The following FRMD4B variants were observed in gnomAD, a reference collection of about 807,000 sequenced individuals.
FRMD4B encodes the protein FERM domain-containing protein 4B.
Under a neutral mutation model 141.5 loss-of-function variants are expected in FRMD4B, and 74 were observed. The ratio of observed to expected loss-of-function variants is 0.52; its 90% confidence interval spans 0.43 to 0.63. The LOEUF is 0.63. FRMD4B is among the 30% of genes least tolerant of loss of function. The pLI is 0.00. For synonymous variants in FRMD4B, 506 were observed against 467.9 expected, an observed-to-expected ratio of 1.08 and a Z score of -1.05; for missense variants, 1,366 against 1,253.4, an observed-to-expected ratio of 1.09 and a Z score of -1.36.
intron 1 of FRMD4B, among the ~76,000 whole-genome samples, chr3:69,451,420 A>G (rs1282641286): frequency 6.6e-6 from 1 of 152,226 alleles, no homozygotes; most frequent in African/African-American, 2.4e-5. Flanking sequence ...CAGTGGAAGA[A>G]TATATTGTGA....
intron 1 of FRMD4B, among the ~76,000 whole-genome samples, chr3:69,475,262 T>A (rs1186289587): frequency 1.3e-5 from 2 of 151,982 alleles, no homozygotes; most frequent in African/African-American, 4.8e-5. Context: ...ATGTGCAGGT[T>A]AGTTACATAG....
chr3:69,218,302 T>C lies in FRMD4B; in HGVS notation c.789+20A>G. 1.5e-6 allele frequency: 2 copies of C among 1,335,096 alleles called. No individual in the cohort carries two copies. The highest frequency in any genetic ancestry group is 2.5e-5 in the South Asian group (2 of 80,876). The allele number at this position is 1,335,096 out of a possible 1,614,324, so 82.7% of individuals were successfully genotyped here. On this transcript the variant is annotated intron_variant, in intron 10 of 22. Transcript: ENST00000398540. The stretch of plus-strand genomic sequence containing the variant: ...TAACTCTCAATCATCACGAAAGCTT[T>C]GTCATGTAAAATTACTTACCTTTAC...
intron 7 of FRMD4B, among the ~76,000 whole-genome samples, chr3:69,235,675 A>G (rs2070107593): frequency 6.6e-6 from 1 of 151,776 alleles, no homozygotes; most frequent in South Asian, 2.1e-4. Flanking sequence ...AAAAAAAGAA[A>G]GGAAAAAAAA....
At chr3:69,383,081 C>T (rs936610259) in intron 1 of FRMD4B, among the ~76,000 whole-genome samples, 8 of 151,774 alleles carry the variant, frequency 5.3e-5, no homozygotes, top group African/African-American at 1.2e-4. Flanking sequence ...AAATATCTCA[C>T]GTCAATTAAT....
At chr3:69,336,905 C>A (rs977147630) in intron 1 of FRMD4B, among the ~76,000 whole-genome samples, 4 of 152,184 alleles carry the variant, frequency 2.6e-5, no homozygotes, top group Non-Finnish European at 5.9e-5. Context: ...GATCATGCCA[C>A]TACACTCCAG....
chr3:69,198,490 T>C (rs1321634199), intron 12 of FRMD4B: 1 of 549,956 alleles, frequency 1.8e-6, no homozygotes, highest in African/African-American at 1.9e-5. Flanking sequence ...CTGCTTGGGA[T>C]GTAAAATGGT....
rs145836898 is a variant in FRMD4B at position 69,523,024 on chromosome 3, A to T, written c.-129+19182T>A. On this transcript the variant is annotated intron_variant, in intron 1 of 5. Coordinates refer to the FRMD4B transcript ENST00000459638. ...TCCTCTGAGGGAAAAATTTTCAGGA[A>T]TCCATTCACATACTCAGAAAAGCAA... 3.1e-3 allele frequency among the ~76,000 whole-genome samples: 478 copies of T among 152,236 alleles called. 5 individuals carry two copies. Among genetic ancestry groups the T allele is most frequent in the African/African-American group, 0.011 (450 of 41,542 alleles).
intron 22 of FRMD4B, among the ~76,000 whole-genome samples, chr3:69,173,260 C>T (rs2092607529): frequency 6.6e-6 from 1 of 152,096 alleles, no homozygotes; most frequent in African/African-American, 2.4e-5. Context: ...TACTAGGTAG[C>T]TTCAACATTT....
chr3:69,402,556 G>A (rs1704582762), intron 2 of FRMD4B, among the ~76,000 whole-genome samples: 1 of 152,168 alleles, frequency 6.6e-6, no homozygotes, highest in African/African-American at 2.4e-5. Context: ...AGGGGAGGAT[G>A]TTTTGTTTAT....
chr3:69,222,709 T>A (rs2093208384), intron 8 of FRMD4B, among the ~76,000 whole-genome samples: 1 of 151,020 alleles, frequency 6.6e-6, no homozygotes, highest in African/African-American at 2.4e-5. Context: ...AGGTGGAGGC[T>A]GCAGTGAGCC....
chr3:69,275,781 C>T (rs1441738053), intron 5 of FRMD4B, among the ~76,000 whole-genome samples: 5 of 152,050 alleles, frequency 3.3e-5, no homozygotes, highest in Non-Finnish European at 7.4e-5. Context: ...AATGAATATA[C>T]TGATTTTTTC....
At chr3:69,377,497 C>G (rs1460946477) in intron 1 of FRMD4B, among the ~76,000 whole-genome samples, 1 of 152,178 alleles carries the variant, frequency 6.6e-6, no homozygotes, top group Non-Finnish European at 1.5e-5. Context: ...TGGGGAGGCA[C>G]CCGTAGAAGG....
chr3:69,494,174 C>A (rs1311293041), intron 1 of FRMD4B, among the ~76,000 whole-genome samples: 1 of 152,192 alleles, frequency 6.6e-6, no homozygotes, highest in African/African-American at 2.4e-5. Context: ...GCCACAGCAC[C>A]CAACCATGAT....
chr3:69,439,177 C>A (rs568062004), intron 1 of FRMD4B, among the ~76,000 whole-genome samples: 1 of 152,034 alleles, frequency 6.6e-6, no homozygotes, highest in East Asian at 1.9e-4. Flanking sequence ...TGGTTTTTTG[C>A]GATCTAGATT....
intron 11 of FRMD4B, chr3:69,199,356 CCT>C (rs1238785284): frequency 6.6e-6 from 1 of 152,302 alleles, no homozygotes; most frequent in African/African-American, 2.4e-5. Context: ...CACTATTTTT[CCT>C]CTGACTCAAC....
At chr3:69,537,880 C>T (rs1333737837) in intron 1 of FRMD4B, among the ~76,000 whole-genome samples, 2 of 152,190 alleles carry the variant, frequency 1.3e-5, no homozygotes, top group Non-Finnish European at 2.9e-5. Context: ...TTAATTTCCC[C>T]CTTTTCCTGC....
At chr3:69,504,912 T>C (rs1487229534) in intron 1 of FRMD4B, among the ~76,000 whole-genome samples, 2 of 152,224 alleles carry the variant, frequency 1.3e-5, no homozygotes, top group African/African-American at 4.8e-5. Context: ...CTTTCTCATT[T>C]GAAGGGTCAC....
Position 69,249,057 on chromosome 3 carries a change from T to C in FRMD4B, c.581+169A>G, listed in dbSNP as rs1193075210. ...ACTGTAAGAAAGCATCATTCCCTGA[T>C]TCATTCACAAAAAGAATAGGTCTCT... On this transcript the variant is annotated intron_variant, in intron 7 of 22. Transcript: ENST00000398540. 2.6e-5 allele frequency among the ~76,000 whole-genome samples: 4 copies of C among 152,316 alleles called. No homozygotes were observed. The East Asian group carries it at 7.7e-4, about 29-fold the overall frequency.
chr3:69,191,400 G>T (rs1406028431), intron 17 of FRMD4B, among the ~76,000 whole-genome samples: 1 of 152,034 alleles, frequency 6.6e-6, no homozygotes, highest in Non-Finnish European at 1.5e-5. Context: ...AGGCTGGGTG[G>T]CAGAGACAGC....
Sources: gnomAD v4.1 joint callset for allele counts (sites outside exome capture counted in the v4.1 genomes callset) on GRCh38, gnomAD v4.1.1 for gene constraint, MANE v1.5 for transcripts, NCBI Gene and HGNC (gene_info 2026-07-23, HGNC 2026-07-21) for gene names.